PDE1C: variants seen among roughly 807,000 people sequenced by gnomAD.
PDE1C encodes phosphodiesterase 1C, also known as dual specificity calcium/calmodulin-dependent 3',5'-cyclic nucleotide phosphodiesterase 1C.
In PDE1C, 62 loss-of-function variants were observed where a neutral mutation model predicts 93.1. The ratio of observed to expected loss-of-function variants is 0.67; its 90% CI spans 0.54 to 0.82. PDE1C has a LOEUF of 0.82. Ranked by LOEUF, PDE1C falls within the 40% of genes least tolerant of loss-of-function variation. The pLI, the probability that PDE1C is intolerant of heterozygous loss-of-function variation, is 0.00. For missense variants in PDE1C, 742 were observed against 884.6 expected (o/e 0.84, Z 2.04); for synonymous variants, 325 against 310.1 (o/e 1.05, Z -0.50).
chr7:32,044,494 T>C (rs957102714), intron 2 of PDE1C, among the ~76,000 whole-genome samples: 3 of 151,990 alleles, frequency 2.0e-5, no homozygotes, highest in African/African-American at 7.3e-5. Context: ...TTTTCAAACA[T>C]AGAAGGCACA....
At chr7:31,822,553 G>A (rs1000305272) in intron 14 of PDE1C, among the ~76,000 whole-genome samples, 3 of 152,028 alleles carry the variant, frequency 2.0e-5, no homozygotes, top group African/African-American at 7.2e-5. Context: ...TCTGTTTACC[G>A]ACAATTTACC....
chr7:31,764,420 C>G (rs919682988), intron 17 of PDE1C, among the ~76,000 whole-genome samples: 2 of 152,128 alleles, frequency 1.3e-5, no homozygotes, highest in African/African-American at 4.8e-5. Context: ...ACTGGGATTA[C>G]AGACATGAGC....
At chr7:31,964,813 C>G (rs1809642736) in intron 2 of PDE1C, among the ~76,000 whole-genome samples, 2 of 152,186 alleles carry the variant, frequency 1.3e-5, no homozygotes, top group African/African-American at 4.8e-5. Flanking sequence ...ATATGCTGTT[C>G]CGCAGCCACC....
chr7:32,408,969 C>CT (rs1315458227), intron 1 of PDE1C, among the ~76,000 whole-genome samples: 1 of 152,098 alleles, frequency 6.6e-6, no homozygotes, highest in Admixed American at 6.6e-5. Flanking sequence ...TGTCAGAACA[C>CT]TGCCTCCTGA....
At chr7:32,096,012 A>G (rs1797730482) in intron 3 of PDE1C, among the ~76,000 whole-genome samples, 1 of 152,200 alleles carries the variant, frequency 6.6e-6, no homozygotes, top group Non-Finnish European at 1.5e-5. Context: ...CTTTGCTCAA[A>G]TAAGTTATAG....
intron 2 of PDE1C, among the ~76,000 whole-genome samples, chr7:32,001,985 G>T (rs1015455263): frequency 6.6e-6 from 1 of 152,164 alleles, no homozygotes; most frequent in African/African-American, 2.4e-5. Flanking sequence ...CTTGAACCCA[G>T]GAGGTGGAGG....
At chr7:32,420,126 C>CATATATATAT (rs1785372790) in intron 1 of PDE1C, among the ~76,000 whole-genome samples, 2 of 7,060 alleles carry the variant, frequency 2.8e-4, no homozygotes, top group African/African-American at 7.6e-4. Context: ...TATATATATA[C>CATATATATAT]ACACACACAC....
intron 2 of PDE1C, among the ~76,000 whole-genome samples, chr7:32,033,357 GA>G (rs1790592305): frequency 6.6e-6 from 1 of 151,990 alleles, no homozygotes; most frequent in Non-Finnish European, 1.5e-5. Flanking sequence ...TTACAGTCTG[GA>G]AAGCATGTTG....
chr7:31,649,209 C>G, the PDE1C span, among the ~76,000 whole-genome samples: 4 of 152,222 alleles, frequency 2.6e-5, no homozygotes, highest in Non-Finnish European at 5.9e-5. Context: ...AAAAACATTA[C>G]TCTTAGGAAA....
chr7:31,646,510 A>T, the PDE1C span, among the ~76,000 whole-genome samples: 6 of 152,166 alleles, frequency 3.9e-5, no homozygotes, highest in African/African-American at 1.4e-4. Flanking sequence ...TGGTAAGGAC[A>T]TTATTCAGAA....
intron 1 of PDE1C, among the ~76,000 whole-genome samples, chr7:32,340,172 G>GC (rs1783721278): frequency 6.6e-6 from 1 of 152,182 alleles, no homozygotes; most frequent in Admixed American, 6.5e-5. Flanking sequence ...GGATCAGGGA[G>GC]CAGGATGGTT....
At chr7:31,698,281 A>G in the PDE1C span, among the ~76,000 whole-genome samples, 1 of 152,252 alleles carries the variant, frequency 6.6e-6, no homozygotes, top group African/African-American at 2.4e-5. Context: ...CCCCAGCCAC[A>G]TTAGAGGCTC....
At position 32,027,628 on chromosome 7, in the gene PDE1C, A is replaced by T. The variant is rs1789640482; in HGVS notation, c.128+23926T>A. Among the ~76,000 whole-genome samples, 5 of 43,414 alleles carry T rather than the reference A, an allele frequency of 1.2e-4. 1 individual carries two copies. Among genetic ancestry groups the T allele is most frequent in the Non-Finnish European group, 4.1e-4 (5 of 12,128 alleles). The allele number at this position is 43,414 out of a possible 152,430, so 28.5% of individuals were successfully genotyped here. On this transcript the variant is annotated intron_variant, in intron 2 of 17. Transcript: ENST00000396191. ...ATGGTAAAAAAAAAAAAAAAAAAAA[A>T]AAAAAAAAAAAAAAAAAGACTAATG...
intron 3 of PDE1C, among the ~76,000 whole-genome samples, chr7:32,085,069 T>C (rs1796981007): frequency 7.0e-6 from 1 of 142,348 alleles, no homozygotes; most frequent in Non-Finnish European, 1.5e-5. Flanking sequence ...CAGGAGCTGG[T>C]TTTTTGAAAG....
At chr7:32,102,841 C>G (rs1798103835) in intron 3 of PDE1C, among the ~76,000 whole-genome samples, 1 of 152,208 alleles carries the variant, frequency 6.6e-6, no homozygotes, top group Admixed American at 6.5e-5. Flanking sequence ...ATTTTGCACT[C>G]TGTACATGCA....
At chr7:32,287,750 A>G (rs537530087) in intron 1 of PDE1C, among the ~76,000 whole-genome samples, 75 of 152,334 alleles carry the variant, frequency 4.9e-4, no homozygotes, top group African/African-American at 1.8e-3. Flanking sequence ...CCTGCATGCA[A>G]TGGGAATCTC....
At chr7:31,754,671 C>T (rs76079943) in intron 17 of PDE1C, among the ~76,000 whole-genome samples, 2,261 of 152,188 alleles carry the variant, frequency 0.015, 65 homozygotes, top group African/African-American at 0.051. Context: ...TCCACTTATA[C>T]GACATTCTTC....
the PDE1C span, among the ~76,000 whole-genome samples, chr7:31,720,140 G>A: frequency 1.8e-4 from 24 of 131,654 alleles, no homozygotes; most frequent in African/African-American, 5.0e-4. Context: ...TCCGCAGTCC[G>A]GCCTGGGCAA....
At chr7:31,989,080 G>A (rs1584347780) in intron 2 of PDE1C, among the ~76,000 whole-genome samples, 2 of 147,144 alleles carry the variant, frequency 1.4e-5, no homozygotes, top group Non-Finnish European at 1.5e-5. Flanking sequence ...GAAAGAGAGA[G>A]AGAAAGAAAC....
Sources: allele counts gnomAD v4.1 joint callset (sites outside exome capture counted in the v4.1 genomes callset), GRCh38; gene constraint gnomAD v4.1.1; transcripts MANE v1.5; gene names NCBI Gene and HGNC (gene_info 2026-07-23, HGNC 2026-07-21).